Variants in MAGI1 observed in about 807,000 individuals in gnomAD.
MAGI1 encodes the protein membrane-associated guanylate kinase, WW and PDZ domain-containing protein 1.
In MAGI1, 58 loss-of-function variants were observed where a neutral mutation model predicts 139.9. The ratio of observed to expected loss-of-function variants is 0.41; its 90% confidence interval spans 0.34 to 0.52. MAGI1 has a LOEUF of 0.52. Ranked by LOEUF, MAGI1 falls within the 20% of genes least tolerant of loss-of-function variation. The pLI is 0.12. For missense variants in MAGI1, 1,874 were observed against 1,901.6 expected, an observed-to-expected ratio of 0.99 and a Z score of 0.27; for synonymous variants, 812 against 737.9, an observed-to-expected ratio of 1.10 and a Z score of -1.63.
chr3:65,781,100 G>A (rs1043922162), intron 1 of MAGI1, among the ~76,000 whole-genome samples: 2 of 152,064 alleles, frequency 1.3e-5, no homozygotes, highest in African/African-American at 4.8e-5. Flanking sequence ...GGAGGCTGAG[G>A]CAGGAGAATT....
At chr3:65,643,344 A>T (rs1576578999) in intron 1 of MAGI1, among the ~76,000 whole-genome samples, 1 of 152,336 alleles carries the variant, frequency 6.6e-6, no homozygotes, top group African/African-American at 2.4e-5. Context: ...CTTGTTAGTA[A>T]GTGTTCTGGA....
chr3:65,821,323 G>A (rs1337300031), intron 1 of MAGI1, among the ~76,000 whole-genome samples: 5 of 152,096 alleles, frequency 3.3e-5, no homozygotes. Context: ...CCCGAGGTCT[G>A]CCAGAGTTTG....
At chr3:65,724,793 G>A (rs1391389360) in intron 1 of MAGI1, among the ~76,000 whole-genome samples, 1 of 152,134 alleles carries the variant, frequency 6.6e-6, no homozygotes, top group Non-Finnish European at 1.5e-5. Context: ...AGAGAGAAGT[G>A]CAGAGCAAAG....
intron 1 of MAGI1, among the ~76,000 whole-genome samples, chr3:65,737,149 C>CG (rs1193223266): frequency 2.0e-5 from 3 of 152,154 alleles, no homozygotes; most frequent in Non-Finnish European, 4.4e-5. Context: ...GGACTACAGG[C>CG]ACCGCCACCA....
chr3:65,945,589 T>C (rs188191303), intron 1 of MAGI1, among the ~76,000 whole-genome samples: 45 of 152,342 alleles, frequency 3.0e-4, no homozygotes, highest in Admixed American at 1.3e-3. Flanking sequence ...CCAATCCCAG[T>C]AGCCATGCTT....
Position 65,681,849 on chromosome 3 carries a change from C to CT in MAGI1, c.314-59762dup, listed in dbSNP as rs537285901. 7.9e-5 allele frequency among the ~76,000 whole-genome samples: 12 copies of CT among 152,098 alleles called. No individual in the cohort carries two copies. The East Asian group carries it at 2.1e-3, about 27-fold the overall frequency. The stretch of plus-strand genomic sequence containing the variant: ...GCAAGATGTTTAATAAGAGTTTTGG[C>CT]TTTTTTTGTTTTTTTGTTGTTTTTT... On this transcript the variant is annotated intron_variant, in intron 1 of 22. Transcript: ENST00000402939.
intron 1 of MAGI1, among the ~76,000 whole-genome samples, chr3:65,920,361 T>C (rs1284088123): frequency 2.6e-5 from 4 of 152,224 alleles, no homozygotes; most frequent in Admixed American, 2.6e-4. Flanking sequence ...TTTTTAGTTT[T>C]AAGCAGTGGG....
intron 2 of MAGI1, among the ~76,000 whole-genome samples, chr3:65,611,233 A>G (rs1176474121): frequency 7.1e-6 from 1 of 141,308 alleles, no homozygotes; most frequent in Non-Finnish European, 1.5e-5. Flanking sequence ...ATACTATAGT[A>G]TATACTATAT....
intron 5 of MAGI1, among the ~76,000 whole-genome samples, chr3:65,461,718 G>C (rs1228792802): frequency 6.6e-6 from 1 of 152,014 alleles, no homozygotes; most frequent in Non-Finnish European, 1.5e-5. Flanking sequence ...TCGATCTCCT[G>C]ACCTCATGAT....
chr3:65,744,858 GC>G (rs1474761117), intron 1 of MAGI1, among the ~76,000 whole-genome samples: 1 of 151,986 alleles, frequency 6.6e-6, no homozygotes, highest in Non-Finnish European at 1.5e-5. Flanking sequence ...TAATTCAGTG[GC>G]ATTAGTAACA....
intron 2 of MAGI1, among the ~76,000 whole-genome samples, chr3:65,504,108 T>G (rs534048247): frequency 8.5e-5 from 13 of 152,198 alleles, no homozygotes; most frequent in Non-Finnish European, 1.5e-4. Flanking sequence ...GGAGCTGATG[T>G]AAGAAGAACC....
intron 2 of MAGI1, among the ~76,000 whole-genome samples, chr3:65,544,947 A>G (rs1341383747): frequency 6.6e-6 from 1 of 152,228 alleles, no homozygotes; most frequent in Non-Finnish European, 1.5e-5. Flanking sequence ...CCATTTGCTA[A>G]TATCTTCACC....
At chr3:65,906,202 G>A (rs2061426685) in intron 1 of MAGI1, among the ~76,000 whole-genome samples, 1 of 152,146 alleles carries the variant, frequency 6.6e-6, no homozygotes. Flanking sequence ...GACTAAACTA[G>A]GAAAGGGAGA....
intron 1 of MAGI1, among the ~76,000 whole-genome samples, chr3:65,889,447 T>C (rs1162651834): frequency 6.6e-6 from 1 of 152,224 alleles, no homozygotes; most frequent in Non-Finnish European, 1.5e-5. Context: ...TGATTCTCTG[T>C]TCTCTCCTCT....
chr3:65,491,492 G>A (rs754212662), intron 3 of MAGI1, among the ~76,000 whole-genome samples: 12 of 151,998 alleles, frequency 7.9e-5, no homozygotes, highest in Non-Finnish European at 1.3e-4. Flanking sequence ...TCCCACCCCA[G>A]CCTCTCCAAA....
chr3:65,738,737 G>A (rs2035002084), intron 1 of MAGI1, among the ~76,000 whole-genome samples: 1 of 152,186 alleles, frequency 6.6e-6, no homozygotes, highest in African/African-American at 2.4e-5. Flanking sequence ...GTGCCTTGTC[G>A]ATGAGTAGCA....
chr3:65,979,096 C>CCCA (rs1483552140), intron 1 of MAGI1, among the ~76,000 whole-genome samples: 1 of 60,392 alleles, frequency 1.7e-5, no homozygotes, highest in Admixed American at 2.5e-4. Flanking sequence ...CTTCCCCCCC[C>CCCA]CCGCCACCCC....
At chr3:65,721,953 C>G (rs2033083613) in intron 1 of MAGI1, among the ~76,000 whole-genome samples, 1 of 151,958 alleles carries the variant, frequency 6.6e-6, no homozygotes, top group African/African-American at 2.4e-5. Context: ...CTCGACTATC[C>G]AGTTTCTTCT....
At chr3:65,383,742 A>G (rs1943237890) in intron 14 of MAGI1, 119 bp from the exon 15 acceptor site, 10 of 712,932 alleles carry the variant, frequency 1.4e-5, no homozygotes, top group African/African-American at 5.4e-5. Flanking sequence ...AAGATTTTCA[A>G]TATAGGCAAA....
Sources: allele counts gnomAD v4.1 joint callset (sites outside exome capture counted in the v4.1 genomes callset), GRCh38; gene constraint gnomAD v4.1.1; transcripts MANE v1.5; gene names NCBI Gene and HGNC (gene_info 2026-07-23, HGNC 2026-07-21).